Variants in LRFN5 observed in about 807,000 individuals in gnomAD.
The protein encoded by LRFN5 is leucine-rich repeat and fibronectin type-III domain-containing protein 5.
A neutral mutation model predicts 45.6 loss-of-function variants in LRFN5; 24 were observed. The ratio of observed to expected loss-of-function variants is 0.53; its 90% CI spans 0.38 to 0.74. The LOEUF is 0.74. LRFN5 is among the 30% of genes least tolerant of loss of function. The probability of loss-of-function intolerance (pLI) is 0.00; values close to 1 mark genes in which losing one functional copy is unlikely to be tolerated. For missense variants in LRFN5, 776 were observed against 861.5 expected, an observed-to-expected ratio of 0.90 and a Z score of 1.24; for synonymous variants, 340 against 313.8, an observed-to-expected ratio of 1.08 and a Z score of -0.88.
chr14:41,764,043 A>G (rs143089273), intron 1 of LRFN5, among the ~76,000 whole-genome samples: 2 of 152,216 alleles, frequency 1.3e-5, no homozygotes, highest in Non-Finnish European at 2.9e-5. Context: ...AAATCTTTGT[A>G]TGGTAACACT....
At chr14:41,727,009 C>T (rs1450875893) in intron 1 of LRFN5, among the ~76,000 whole-genome samples, 1 of 152,106 alleles carries the variant, frequency 6.6e-6, no homozygotes, top group Non-Finnish European at 1.5e-5. Flanking sequence ...GAGGTCATAA[C>T]ATCTTGGTGT....
At chr14:41,820,847 A>G (rs890691787) in intron 2 of LRFN5, among the ~76,000 whole-genome samples, 2 of 151,988 alleles carry the variant, frequency 1.3e-5, no homozygotes, top group African/African-American at 4.8e-5. Context: ...GGTTAAATAT[A>G]TCCTGAGATA....
intron 1 of LRFN5, among the ~76,000 whole-genome samples, chr14:41,746,751 G>A (rs954541633): frequency 6.6e-6 from 1 of 151,914 alleles, no homozygotes; most frequent in South Asian, 2.1e-4. Context: ...TGAAAAGAAA[G>A]AAATAAAATT....
rs146788705 is a variant in LRFN5 at position 41,785,596 on chromosome 14, G to A, written c.-21+18567G>A. On this transcript the variant is annotated intron_variant, in intron 2 of 5. Transcript: ENST00000298119. ...TTTTTCCACAGATGAGAGGAAGGTG[G>A]TTTTTCAATGATTCAAGCACTTTAC... Among the ~76,000 whole-genome samples the A allele has an allele frequency of 5.3e-5, 8 of 152,206 alleles. No individual in the cohort carries two copies. In the East Asian group the frequency reaches 9.7e-4, roughly 18 times the overall value.
At chr14:41,626,407 C>G (rs1888334646) in intron 1 of LRFN5, among the ~76,000 whole-genome samples, 2 of 152,002 alleles carry the variant, frequency 1.3e-5, no homozygotes, top group South Asian at 2.1e-4. Context: ...GACTGTATGC[C>G]TGGCTGCTAA....
At chr14:41,769,551 T>G (rs989627924) in intron 2 of LRFN5, among the ~76,000 whole-genome samples, 10 of 152,216 alleles carry the variant, frequency 6.6e-5, no homozygotes, top group Non-Finnish European at 1.0e-4. Context: ...TATATGTATA[T>G]ATGTGTACGT....
chr14:41,693,953 A>C (rs1017799609), intron 1 of LRFN5, among the ~76,000 whole-genome samples: 1 of 152,006 alleles, frequency 6.6e-6, no homozygotes, highest in Non-Finnish European at 1.5e-5. Context: ...TATAAATAGT[A>C]GTTGCTGAGA....
At chr14:41,851,310 G>A (rs1199104906) in intron 2 of LRFN5, among the ~76,000 whole-genome samples, 1 of 151,362 alleles carries the variant, frequency 6.6e-6, no homozygotes, top group African/African-American at 2.4e-5. Flanking sequence ...TTACATTCTG[G>A]TATATTTACT....
chr14:41,899,043 G>GCAAA, intron 5 of LRFN5, 83 bp downstream of exon 5: 4 of 1,066,988 alleles, frequency 3.7e-6, no homozygotes, highest in Non-Finnish European at 4.1e-6. Flanking sequence ...TAATTAGTTT[G>GCAAA]CTAATTTATG....
chr14:41,807,095 A>G (rs558276717), intron 2 of LRFN5, among the ~76,000 whole-genome samples: 7 of 152,268 alleles, frequency 4.6e-5, no homozygotes, highest in South Asian at 4.1e-4. Context: ...AAAAATTAAT[A>G]TAAGAAGTAA....
chr14:41,856,586 A>T (rs1889460914), intron 2 of LRFN5, among the ~76,000 whole-genome samples: 2 of 150,446 alleles, frequency 1.3e-5, no homozygotes, highest in African/African-American at 2.4e-5. Flanking sequence ...ACATGTTTTG[A>T]TCACCCAATG....
intron 2 of LRFN5, among the ~76,000 whole-genome samples, chr14:41,784,174 A>G (rs1231648281): frequency 6.6e-6 from 1 of 152,142 alleles, no homozygotes; most frequent in Non-Finnish European, 1.5e-5. Flanking sequence ...GATACTTGAT[A>G]TATTCCAAAT....
At chr14:41,662,636 G>A (rs938873029) in intron 1 of LRFN5, among the ~76,000 whole-genome samples, 1 of 152,018 alleles carries the variant, frequency 6.6e-6, no homozygotes, top group Non-Finnish European at 1.5e-5. Context: ...TTGGTCAGCA[G>A]GGCCACCAAT....
At chr14:41,732,034 CTG>C (rs1008483952) in intron 1 of LRFN5, among the ~76,000 whole-genome samples, 7 of 152,162 alleles carry the variant, frequency 4.6e-5, no homozygotes, top group African/African-American at 1.4e-4. Context: ...TCTGATATAA[CTG>C]TACTGAAACT....
intron 1 of LRFN5, among the ~76,000 whole-genome samples, chr14:41,736,186 C>T (rs1034671436): frequency 1.3e-5 from 2 of 152,166 alleles, no homozygotes; most frequent in Non-Finnish European, 2.9e-5. Flanking sequence ...GCCACACTGT[C>T]TTCCACAATG....
chr14:41,619,950 T>G (rs2138555592), intron 1 of LRFN5, among the ~76,000 whole-genome samples: 1 of 152,192 alleles, frequency 6.6e-6, no homozygotes, highest in East Asian at 1.9e-4. Context: ...CAATTATTAT[T>G]ATTATATATT....
At chr14:41,659,894 T>G (rs1880561899) in intron 1 of LRFN5, among the ~76,000 whole-genome samples, 1 of 141,910 alleles carries the variant, frequency 7.0e-6, no homozygotes, top group African/African-American at 2.9e-5. Flanking sequence ...TTTTTGATGT[T>G]TTTTTTTTTT....
At chr14:41,636,062 A>AAGG (rs1313855120) in intron 1 of LRFN5, among the ~76,000 whole-genome samples, 1 of 152,152 alleles carries the variant, frequency 6.6e-6, no homozygotes, top group Non-Finnish European at 1.5e-5. Flanking sequence ...TTTTAAAGAT[A>AAGG]AGGAATTCAT....
intron 2 of LRFN5, among the ~76,000 whole-genome samples, chr14:41,853,856 G>A (rs1889359710): frequency 6.6e-6 from 1 of 152,104 alleles, no homozygotes; most frequent in Admixed American, 6.6e-5. Context: ...ACTGAGGATA[G>A]TGTTGGTAGC....
Sources: gnomAD v4.1 joint callset for allele counts (sites outside exome capture counted in the v4.1 genomes callset) on GRCh38, gnomAD v4.1.1 for gene constraint, MANE v1.5 for transcripts, NCBI Gene and HGNC (gene_info 2026-07-23, HGNC 2026-07-21) for gene names.